The following EFHC1 variants were observed in gnomAD, a reference collection of about 807,000 sequenced individuals.
The protein encoded by EFHC1 is EF-hand domain containing 1, also known as EF-hand domain-containing protein 1.
In EFHC1, 53 loss-of-function variants were observed where a neutral mutation model predicts 69.9. That is an observed-to-expected ratio of 0.76 (90% CI 0.61 to 0.95). The LOEUF (loss-of-function observed/expected upper bound fraction) is 0.95, where lower values mean the gene tolerates loss of function less well. Among genes scored for constraint, EFHC1 ranks in the 40% least tolerant of loss-of-function variants. The probability of loss-of-function intolerance (pLI) is 0.00; values close to 1 mark genes in which losing one functional copy is unlikely to be tolerated. For missense variants in EFHC1, 739 were observed against 798.7 expected (o/e 0.93, Z 0.90); for synonymous variants, 256 against 278.4 (o/e 0.92, Z 0.80).
intron 9 of EFHC1, chr6:52,485,483 A>C (rs531022189): frequency 5.3e-5 from 8 of 151,852 alleles, no homozygotes; most frequent in Non-Finnish European, 1.2e-4. Context: ...CTATGGTTTT[A>C]GATATGGTTT....
chr6:52,457,066 C>G (rs1765060268), intron 5 of EFHC1, among the ~76,000 whole-genome samples: 2 of 152,118 alleles, frequency 1.3e-5, no homozygotes, highest in Non-Finnish European at 2.9e-5. Flanking sequence ...TTATTAAATT[C>G]AATTAAACAA....
At chr6:52,436,751 C>T (rs543658635) in intron 2 of EFHC1, among the ~76,000 whole-genome samples, 5 of 152,228 alleles carry the variant, frequency 3.3e-5, no homozygotes, top group African/African-American at 1.2e-4. Flanking sequence ...AAATGATTCT[C>T]CTACCATAGC....
chr6:52,452,120 C>T (rs915069871), intron 3 of EFHC1, among the ~76,000 whole-genome samples: 2 of 152,102 alleles, frequency 1.3e-5, no homozygotes, highest in Non-Finnish European at 2.9e-5. Flanking sequence ...GCCATTGTGC[C>T]TCCCAACTAG....
intron 2 of EFHC1, among the ~76,000 whole-genome samples, chr6:52,429,141 T>C (rs950158087): frequency 6.6e-6 from 1 of 152,208 alleles, no homozygotes; most frequent in Non-Finnish European, 1.5e-5. Flanking sequence ...ACTCTGTGGG[T>C]TGTCTGTTTA....
chr6:52,495,080 C>T lies in EFHC1; in HGVS notation c.*2739C>T, dbSNP rs754699689. On this transcript the variant is annotated 3_prime_UTR_variant, in exon 11 of 11. Coordinates refer to ENST00000371068, the MANE Select transcript of EFHC1 (RefSeq NM_018100.4). ...GGACCCAGTCTGTACCTGATCACCC[C>T]GGCTCTAATGGTATGGTCTCCAAGG... 5.5e-5 allele frequency: 25 copies of T among 454,046 alleles called. No homozygotes were observed. Among genetic ancestry groups the T allele is most frequent in the Middle Eastern group, 6.9e-4 (1 of 1,444 alleles). 28.1% of individuals were successfully genotyped at this position (454,046 alleles called of 1,614,324 possible).
Position 52,493,294 on chromosome 6 carries a change from A to G in EFHC1, c.*953A>G, listed in dbSNP as rs1466205795. 2 of 449,956 alleles carry G rather than the reference A, an allele frequency of 4.4e-6. No homozygotes were observed. Among genetic ancestry groups the G allele is most frequent in the East Asian group, 1.4e-4 (2 of 14,346 alleles). 27.9% of individuals were successfully genotyped at this position (449,956 alleles called of 1,614,324 possible). On this transcript the variant is annotated 3_prime_UTR_variant, in exon 11 of 11. Coordinates refer to ENST00000371068, the MANE Select transcript of EFHC1 (RefSeq NM_018100.4). ...TCTCCAGCTTGCCAATTTACCCTGCAGATCTTGGGACTTGTAAGCCTTCAT... is the reference window on the plus strand; with the variant it reads ...TCTCCAGCTTGCCAATTTACCCTGCGGATCTTGGGACTTGTAAGCCTTCAT...
In EFHC1 at chr6:52,494,105, G is replaced by A. The variant is rs894659350; in HGVS notation, c.*1764G>A. 18 of 453,890 alleles carry A rather than the reference G, an allele frequency of 4.0e-5. No homozygotes were observed. The highest frequency in any genetic ancestry group is 6.2e-5 in the Non-Finnish European group (14 of 226,786). 28.1% of individuals were successfully genotyped at this position (453,890 alleles called of 1,614,324 possible). A position where few individuals can be genotyped will look rare whatever the true frequency, so the allele number is the denominator to read the frequency against. On this transcript the variant is annotated 3_prime_UTR_variant, in exon 11 of 11. Transcript: ENST00000371068. Reference sequence around the variant, plus strand: ...AACAGTATCTCTTTCAAGTACAGATGCTCCTCTACTTATGGGGCTATGTCT... The same window carrying A: ...AACAGTATCTCTTTCAAGTACAGATACTCCTCTACTTATGGGGCTATGTCT...
In EFHC1 at chr6:52,495,481, T is replaced by C. The variant is rs573673620; in HGVS notation, c.*3140T>C. 1 of 454,138 alleles carries C rather than the reference T, an allele frequency of 2.2e-6. No individual in the cohort carries two copies. Among genetic ancestry groups the C allele is most frequent in the Non-Finnish European group, 4.4e-6 (1 of 226,800 alleles). 28.1% of individuals were successfully genotyped at this position (454,138 alleles called of 1,614,324 possible). A position where few individuals can be genotyped will look rare whatever the true frequency, so the allele number is the denominator to read the frequency against. ...GGATCGGCAGCAAATCTGCAACATA[T>C]GGATATATTTGCCAATTTTTGTCCT... On this transcript the variant is annotated 3_prime_UTR_variant, in exon 11 of 11. Transcript: ENST00000371068.
chr6:52,454,708 G>A (rs1452667291), intron 5 of EFHC1, among the ~76,000 whole-genome samples: 1 of 152,126 alleles, frequency 6.6e-6, no homozygotes, highest in Non-Finnish European at 1.5e-5. Flanking sequence ...TTTCTATGTG[G>A]TTTAACTTGA....
rs147959243 is a variant in EFHC1 at position 52,423,489 on chromosome 6, T to A, written c.64-457T>A. ...TAACTTAAAATACAGAATCTTTTAATGTAGGTAAGCTTTTGTTTTGTTTTG... is the reference window on the plus strand; with the variant it reads ...TAACTTAAAATACAGAATCTTTTAAAGTAGGTAAGCTTTTGTTTTGTTTTG... On this transcript the variant is annotated intron_variant, in intron 1 of 10. Coordinates refer to ENST00000371068, the MANE Select transcript of EFHC1 (RefSeq NM_018100.4). 4.6e-5 allele frequency among the ~76,000 whole-genome samples: 7 copies of A among 152,150 alleles called. No individual in the cohort carries two copies. In the East Asian group the frequency reaches 1.4e-3, roughly 29 times the overall value.
chr6:52,474,878 G>A (rs1765512932), intron 7 of EFHC1, among the ~76,000 whole-genome samples: 1 of 152,192 alleles, frequency 6.6e-6, no homozygotes, highest in South Asian at 2.1e-4. Context: ...GTTTGGTGGG[G>A]GAAGGATAGA....
At position 52,492,733 on chromosome 6, in the gene EFHC1, A is replaced by G. The variant is rs9463792; in HGVS notation, c.*392A>G. 19 of 441,996 alleles carry G rather than the reference A, an allele frequency of 4.3e-5. No individual in the cohort carries two copies. Among genetic ancestry groups the G allele is most frequent in the Non-Finnish European group, 7.7e-5 (17 of 222,140 alleles). The allele number at this position is 441,996 out of a possible 1,614,324, so 27.4% of individuals were successfully genotyped here. On this transcript the variant is annotated 3_prime_UTR_variant, in exon 11 of 11. Coordinates refer to ENST00000371068, the MANE Select transcript of EFHC1 (RefSeq NM_018100.4). ...GGGCTCAAGTGATCCTCCCACTTCA[A>G]CCTCCCCAGTAGCTGGGACAACAGG...
At position 52,492,386 on chromosome 6, in the gene EFHC1, T is replaced by C. The variant is rs763914059; in HGVS notation, c.*45T>C. 4.5e-6 allele frequency: 7 copies of C among 1,547,374 alleles called. No homozygotes were observed. In the African/African-American group the frequency reaches 9.5e-5, roughly 21 times the overall value. On this transcript the variant is annotated 3_prime_UTR_variant, in exon 11 of 11. Transcript: ENST00000371068. ...AAGACAATTTTTGATACTGGAACTATGCTTTGAAATACACCTTACACTCTT... is the reference window on the plus strand; with the variant it reads ...AAGACAATTTTTGATACTGGAACTACGCTTTGAAATACACCTTACACTCTT...
At chr6:52,456,856 A>C (rs1456783120) in intron 5 of EFHC1, among the ~76,000 whole-genome samples, 1 of 152,206 alleles carries the variant, frequency 6.6e-6, no homozygotes, top group Admixed American at 6.5e-5. Context: ...CAGAGGCTGC[A>C]GTGAGCGGAG....
chr6:52,438,456 C>G lies in EFHC1; in HGVS notation c.438C>G (p.Gly146=). Residue 146 remains glycine, a synonymous_variant, in exon 3 of 11, where the codon GGC becomes GGG. Coordinates refer to ENST00000371068, the MANE Select transcript of EFHC1 (RefSeq NM_018100.4). ...TAGAAAATTCTGGAATCCTTCAAGG[C>G]AAGTTAATAAAACGCCAGCGGCTAG... ...PVVENSGILQ[G]KLIKRQRLAK... 6.2e-7 allele frequency: 1 copy of G among 1,614,054 alleles called. No individual in the cohort carries two copies. Among genetic ancestry groups the G allele is most frequent in the Non-Finnish European group, 8.5e-7 (1 of 1,179,992 alleles).
At chr6:52,440,171 G>T (rs757694551) in intron 3 of EFHC1, among the ~76,000 whole-genome samples, 1 of 152,020 alleles carries the variant, frequency 6.6e-6, no homozygotes, top group Non-Finnish European at 1.5e-5. Context: ...ACAGGGTTAG[G>T]TTCCCACTAA....
intron 3 of EFHC1, among the ~76,000 whole-genome samples, chr6:52,446,972 TTCTC>T (rs1764801475): frequency 1.3e-5 from 2 of 152,208 alleles, no homozygotes; most frequent in Non-Finnish European, 2.9e-5. Flanking sequence ...AACCCGAACT[TTCTC>T]TCTGGCTGCC....
chr6:52,437,244 C>G (rs67736214), intron 2 of EFHC1, among the ~76,000 whole-genome samples: 11,377 of 152,074 alleles, frequency 0.075, 879 homozygotes, highest in African/African-American at 0.19. Context: ...TGCAATTAAC[C>G]CTTCATTTTC....
At position 52,494,776 on chromosome 6, in the gene EFHC1, TAG is replaced by T. The variant is rs1434813549; in HGVS notation, c.*2437_*2438del. 2.2e-6 allele frequency: 1 copy of T among 452,048 alleles called. No individual in the cohort carries two copies. Among genetic ancestry groups the T allele is most frequent in the Admixed American group, 2.4e-5 (1 of 42,526 alleles). The allele number at this position is 452,048 out of a possible 1,614,324, so 28.0% of individuals were successfully genotyped here. A position where few individuals can be genotyped will look rare whatever the true frequency, so the allele number is the denominator to read the frequency against. ...GTGTATTCAATGTTTAGCTCCCACT[TAG>T]AAGTAAGAACATGCAATATTTGGTT... On this transcript the variant is annotated 3_prime_UTR_variant, in exon 11 of 11. Coordinates refer to ENST00000371068, the MANE Select transcript of EFHC1 (RefSeq NM_018100.4).
Sources: allele counts gnomAD v4.1 joint callset (sites outside exome capture counted in the v4.1 genomes callset), GRCh38; gene constraint gnomAD v4.1.1; transcripts MANE v1.5; gene names NCBI Gene and HGNC (gene_info 2026-07-23, HGNC 2026-07-21).